The following HS3ST4 variants were observed in gnomAD, a reference collection of about 807,000 sequenced individuals.
HS3ST4 encodes the protein heparan sulfate-glucosamine 3-sulfotransferase 4.
HS3ST4 carries 17 observed loss-of-function variants against 29.2 expected under a neutral mutation model. That is an observed-to-expected ratio of 0.58 (90% CI 0.40 to 0.87). The LOEUF is 0.87. HS3ST4 is among the 40% of genes least tolerant of loss of function. The probability of loss-of-function intolerance (pLI) is 0.00; values close to 1 mark genes in which losing one functional copy is unlikely to be tolerated. For missense variants in HS3ST4, 627 were observed against 634.5 expected (o/e 0.99, Z 0.13); for synonymous variants, 314 against 285.7 (o/e 1.10, Z -1.00).
intron 1 of HS3ST4, among the ~76,000 whole-genome samples, chr16:25,936,457 A>G (rs958859151): frequency 3.3e-5 from 5 of 152,248 alleles, no homozygotes; most frequent in African/African-American, 1.2e-4. Flanking sequence ...TGTTAGGTCT[A>G]AAGTACAAGT....
intron 1 of HS3ST4, among the ~76,000 whole-genome samples, chr16:25,789,763 G>A (rs1966864937): frequency 6.6e-6 from 1 of 151,734 alleles, no homozygotes. Context: ...CCAATAACTA[G>A]GACTATTATT....
At chr16:26,132,928 A>G (rs1899439158) in intron 1 of HS3ST4, among the ~76,000 whole-genome samples, 1 of 152,206 alleles carries the variant, frequency 6.6e-6, no homozygotes, top group African/African-American at 2.4e-5. Flanking sequence ...ACAAGGGAAT[A>G]TATCTCTCCA....
At chr16:25,739,611 G>A (rs573664211) in intron 1 of HS3ST4, among the ~76,000 whole-genome samples, 3 of 152,308 alleles carry the variant, frequency 2.0e-5, no homozygotes, top group Admixed American at 2.0e-4. Context: ...GAGGAGCGAT[G>A]ACACTGTTCA....
At chr16:25,763,437 T>C (rs1262513552) in intron 1 of HS3ST4, among the ~76,000 whole-genome samples, 1 of 152,018 alleles carries the variant, frequency 6.6e-6, no homozygotes, top group African/African-American at 2.4e-5. Context: ...TCTTGGGGAG[T>C]GCAGGTTAGA....
intron 1 of HS3ST4, among the ~76,000 whole-genome samples, chr16:26,030,798 A>G (rs1282505145): frequency 1.3e-5 from 2 of 152,200 alleles, no homozygotes; most frequent in Admixed American, 6.5e-5. Context: ...TCTCTTCTAC[A>G]TACAAGCTAT....
intron 1 of HS3ST4, among the ~76,000 whole-genome samples, chr16:25,828,294 T>TTCCCTC (rs749295777): frequency 1.1e-3 from 48 of 45,082 alleles, no homozygotes; most frequent in East Asian, 3.6e-3. Flanking sequence ...CTTTCTTTCT[T>TTCCCTC]TCTTTCCCTC....
chr16:25,895,082 TC>T, intron 1 of HS3ST4, among the ~76,000 whole-genome samples: 1 of 151,676 alleles, frequency 6.6e-6, no homozygotes, highest in Non-Finnish European at 1.5e-5. Context: ...GTTAGTGGGG[TC>T]CCTCTAGGAA....
At chr16:26,006,642 T>C (rs1969261743) in intron 1 of HS3ST4, among the ~76,000 whole-genome samples, 1 of 152,180 alleles carries the variant, frequency 6.6e-6, no homozygotes, top group African/African-American at 2.4e-5. Context: ...TAGAAAATGG[T>C]ACTTGGTGCA....
chr16:25,991,926 CAGG>C (rs10586034), intron 1 of HS3ST4, among the ~76,000 whole-genome samples: 27,709 of 152,088 alleles, frequency 0.18, 2,608 homozygotes, highest in South Asian at 0.22. Flanking sequence ...GAGGCTGAGG[CAGG>C]AGAATGGCGT....
intron 1 of HS3ST4, among the ~76,000 whole-genome samples, chr16:25,969,650 G>T (rs1401324147): frequency 2.0e-5 from 3 of 152,170 alleles, no homozygotes; most frequent in Non-Finnish European, 2.9e-5. Context: ...GAAGGCACTG[G>T]TACCTTACGG....
chr16:25,724,550 G>C (rs1966518930), intron 1 of HS3ST4, among the ~76,000 whole-genome samples: 1 of 152,076 alleles, frequency 6.6e-6, no homozygotes. Flanking sequence ...TTTTAGTAGA[G>C]ACGGGGTTTC....
At chr16:26,037,300 G>T (rs1450654562) in intron 1 of HS3ST4, among the ~76,000 whole-genome samples, 1 of 152,202 alleles carries the variant, frequency 6.6e-6, no homozygotes, top group Non-Finnish European at 1.5e-5. Context: ...GGACCTTCAT[G>T]TTGCTTGCAG....
intron 1 of HS3ST4, among the ~76,000 whole-genome samples, chr16:25,968,769 C>G (rs534952629): frequency 6.6e-6 from 1 of 152,226 alleles, no homozygotes; most frequent in South Asian, 2.1e-4. Context: ...AGGTAAGGTG[C>G]ACAGAACAGT....
intron 1 of HS3ST4, among the ~76,000 whole-genome samples, chr16:25,899,342 A>C (rs1450579654): frequency 6.6e-6 from 1 of 152,216 alleles, no homozygotes; most frequent in East Asian, 1.9e-4. Flanking sequence ...CTAACCCAAC[A>C]GGCATTAACT....
intron 1 of HS3ST4, among the ~76,000 whole-genome samples, chr16:25,740,953 C>G (rs1966647740): frequency 6.6e-6 from 1 of 152,130 alleles, no homozygotes. Context: ...AGTGAAATTT[C>G]TCATTACTGG....
At chr16:25,803,813 T>C (rs1966963877) in intron 1 of HS3ST4, among the ~76,000 whole-genome samples, 1 of 152,182 alleles carries the variant, frequency 6.6e-6, no homozygotes, top group Non-Finnish European at 1.5e-5. Context: ...CAGTCTCTGC[T>C]TCTTGGTTTG....
intron 1 of HS3ST4, among the ~76,000 whole-genome samples, chr16:26,043,815 A>C (rs1325009532): frequency 6.6e-6 from 1 of 152,170 alleles, no homozygotes; most frequent in Non-Finnish European, 1.5e-5. Flanking sequence ...TTCCATGATT[A>C]ATTGGTCCCC....
intron 1 of HS3ST4, among the ~76,000 whole-genome samples, chr16:26,091,982 G>A (rs541743370): frequency 1.3e-5 from 2 of 152,212 alleles, no homozygotes; most frequent in South Asian, 4.2e-4. Flanking sequence ...ATCACAATAT[G>A]GAGTGACAGC....
chr16:26,063,515 G>GA (rs779275463), intron 1 of HS3ST4, among the ~76,000 whole-genome samples: 1,479 of 125,646 alleles, frequency 0.012, 7 homozygotes, highest in African/African-American at 0.017. Flanking sequence ...TGTCTCTACT[G>GA]AAAAAAAAAA....
Sources: allele counts gnomAD v4.1 joint callset (sites outside exome capture counted in the v4.1 genomes callset), GRCh38; gene constraint gnomAD v4.1.1; transcripts MANE v1.5; gene names NCBI Gene and HGNC (gene_info 2026-07-23, HGNC 2026-07-21).